DOP1A: variants seen among roughly 807,000 people sequenced by gnomAD.
The protein encoded by DOP1A is protein DOP1A.
Under a neutral mutation model 267.6 loss-of-function variants are expected in DOP1A, and 90 were observed. The ratio of observed to expected loss-of-function variants is 0.34; its 90% CI spans 0.28 to 0.40. DOP1A has a LOEUF of 0.40. Ranked by LOEUF, DOP1A falls within the 10% of genes least tolerant of loss-of-function variation. The pLI, the probability that DOP1A is intolerant of heterozygous loss-of-function variation, is 1.00. For missense variants in DOP1A, 2,437 were observed against 2,900.4 expected, an observed-to-expected ratio of 0.84 and a Z score of 3.67; for synonymous variants, 932 against 999.1, an observed-to-expected ratio of 0.93 and a Z score of 1.27.
chr6:83,136,968 G>T (rs895362664), intron 20 of DOP1A, among the ~76,000 whole-genome samples: 2 of 152,196 alleles, frequency 1.3e-5, no homozygotes, highest in Non-Finnish European at 2.9e-5. Flanking sequence ...TCTTTAGAGA[G>T]CTTAGAAACA....
At chr6:83,123,484 C>T (rs563748291) in intron 12 of DOP1A, among the ~76,000 whole-genome samples, 1 of 152,036 alleles carries the variant, frequency 6.6e-6, no homozygotes, top group Admixed American at 6.6e-5. Context: ...TGAGTGGAAT[C>T]TCTGTCTGGC....
At chr6:83,074,291 A>G (rs1786099224) in intron 1 of DOP1A, among the ~76,000 whole-genome samples, 1 of 148,498 alleles carries the variant, frequency 6.7e-6, no homozygotes, top group African/African-American at 2.6e-5. Flanking sequence ...TACAGATTTT[A>G]TTTATTTATT....
At chr6:83,087,919 T>C (rs940403481) in intron 1 of DOP1A, among the ~76,000 whole-genome samples, 1 of 152,152 alleles carries the variant, frequency 6.6e-6, no homozygotes, top group African/African-American at 2.4e-5. Flanking sequence ...TTGCCCGGGC[T>C]GGAGTGCAGT....
intron 24 of DOP1A, among the ~76,000 whole-genome samples, chr6:83,143,688 TATC>T (rs1312624246): frequency 5.3e-5 from 8 of 151,942 alleles, no homozygotes; most frequent in African/African-American, 1.9e-4. Context: ...AGTGGATAAA[TATC>T]AGAAATGGAA....
At chr6:83,097,309 T>C (rs1431270121) in intron 3 of DOP1A, among the ~76,000 whole-genome samples, 194 bp downstream of exon 3, 1 of 152,188 alleles carries the variant, frequency 6.6e-6, no homozygotes, top group Non-Finnish European at 1.5e-5. Flanking sequence ...GAAGTTTTAA[T>C]TCAAAGAAAT....
intron 29 of DOP1A, 94 bp from the exon 30 acceptor site, chr6:83,152,194 T>C (rs1313550542): frequency 1.1e-5 from 8 of 735,384 alleles, no homozygotes; most frequent in African/African-American, 7.8e-5. Flanking sequence ...CATATATATA[T>C]ACATATATAA....
At chr6:83,113,533 T>A in intron 7 of DOP1A, 112 bp downstream of exon 7, 3 of 790,186 alleles carry the variant, frequency 3.8e-6, no homozygotes, top group Non-Finnish European at 6.1e-6. Flanking sequence ...TATAAATCAG[T>A]AAGCGCATGG....
At position 83,167,890 on chromosome 6, in the gene DOP1A, G is replaced by C. The variant is rs748186099; in HGVS notation, c.7121G>C (p.Arg2374Thr). ...KKNPEEDNSG[R>T]TLGWEPGHLL... Reference sequence around the variant, plus strand: ...AATCCAGAGGAAGACAACTCAGGGAGAACATTGGGTTGGGAGCCAGGGCAC... The same window carrying C: ...AATCCAGAGGAAGACAACTCAGGGACAACATTGGGTTGGGAGCCAGGGCAC... Residue 2374 changes from arginine (R) to threonine (T), a missense_variant, in exon 39 of 39, where the codon AGA (arginine) becomes ACA (threonine). This residue lies in a region of DOP1A where 197 missense variants were observed against 246.5 expected (regional missense o/e 0.80). Coordinates refer to ENST00000349129, the MANE Select transcript of DOP1A (RefSeq NM_015018.4). The C allele has an allele frequency of 3.1e-6, 5 of 1,612,402 alleles. No individual in the cohort carries two copies. The South Asian group carries it at 4.4e-5, about 14-fold the overall frequency.
At chr6:83,122,463 A>G (rs1340136583) in intron 11 of DOP1A, among the ~76,000 whole-genome samples, 1 of 151,974 alleles carries the variant, frequency 6.6e-6, no homozygotes, top group Non-Finnish European at 1.5e-5. Context: ...TGAATAGCAC[A>G]GGGAAGCAGA....
At chr6:83,109,129 A>G (rs1774131398) in intron 5 of DOP1A, 49 bp downstream of exon 5, 2 of 1,568,578 alleles carry the variant, frequency 1.3e-6, no homozygotes, top group South Asian at 2.3e-5. Flanking sequence ...TGGATTTGTC[A>G]GCAAGCATAT....
chr6:83,084,048 C>T lies in DOP1A; in HGVS notation c.-146-12683C>T, dbSNP rs577319595. Among the ~76,000 whole-genome samples the T allele has an allele frequency of 1.8e-4, 27 of 152,276 alleles. 1 individual carries two copies. In the South Asian group the frequency reaches 5.4e-3, roughly 30 times the overall value. ...TAAATCAGCTTCACTGTCACCTTGGCAGATCTATGGGCTTTTAAACCTCTT... is the reference window on the plus strand; with the variant it reads ...TAAATCAGCTTCACTGTCACCTTGGTAGATCTATGGGCTTTTAAACCTCTT... On this transcript the variant is annotated intron_variant, in intron 1 of 38. Coordinates refer to ENST00000349129, the MANE Select transcript of DOP1A (RefSeq NM_015018.4).
intron 27 of DOP1A, among the ~76,000 whole-genome samples, chr6:83,149,903 G>A (rs1049699579): frequency 1.3e-5 from 2 of 152,166 alleles, no homozygotes; most frequent in Non-Finnish European, 2.9e-5. Context: ...TAAGGAAGGT[G>A]AGGAATAATA....
chr6:83,158,000 T>C (rs1343116902), intron 35 of DOP1A, among the ~76,000 whole-genome samples: 2 of 148,344 alleles, frequency 1.3e-5, no homozygotes, highest in South Asian at 2.1e-4. Flanking sequence ...TTATTTTTCC[T>C]TTTTTTTTTG....
chr6:83,107,623 T>C (rs1227862043), intron 4 of DOP1A, among the ~76,000 whole-genome samples: 3 of 152,188 alleles, frequency 2.0e-5, no homozygotes, highest in East Asian at 1.9e-4. Flanking sequence ...ATAAGTGTTT[T>C]AGTAAGTGAA....
chr6:83,149,011 C>T, intron 27 of DOP1A, 148 bp downstream of exon 27: 1 of 473,320 alleles, frequency 2.1e-6, no homozygotes, highest in South Asian at 5.1e-5. Flanking sequence ...TGTATAAGGC[C>T]TGTTTAAGAA....
At position 83,148,786 on chromosome 6, in the gene DOP1A, C is replaced by T. The variant is rs138733800; in HGVS notation, c.5760C>T (p.Ser1920=). The change falls in exon 27 of 39, where the codon AGC becomes AGT. Residue 1920 remains serine (S), a synonymous_variant. Coordinates refer to ENST00000349129, the MANE Select transcript of DOP1A (RefSeq NM_015018.4). The part of the protein sequence containing the change: ...QRIPVPNLVD[S]WASLLILLKD... ...TTCCAGTGCCCAATTTAGTGGATAGCTGGGCGTCACTGTTGATACTTCTGA... is the reference window on the plus strand; with the variant it reads ...TTCCAGTGCCCAATTTAGTGGATAGTTGGGCGTCACTGTTGATACTTCTGA... 219 of 1,557,954 alleles carry T rather than the reference C, an allele frequency of 1.4e-4. No individual in the cohort carries two copies. The African/African-American group carries it at 2.4e-3, about 17-fold the overall frequency.
chr6:83,095,802 A>G (rs574365142), intron 1 of DOP1A, among the ~76,000 whole-genome samples: 1 of 152,258 alleles, frequency 6.6e-6, no homozygotes, highest in Admixed American at 6.5e-5. Context: ...TTGGCTGAGG[A>G]TGGAGGATCT....
At chr6:83,158,113 C>T (rs1161778242) in intron 35 of DOP1A, among the ~76,000 whole-genome samples, 1 of 152,058 alleles carries the variant, frequency 6.6e-6, no homozygotes, top group Non-Finnish European at 1.5e-5. Context: ...ATTCTCCTGC[C>T]TCAGCCTCCC....
chr6:83,129,429 C>T lies in DOP1A; in HGVS notation c.2262C>T (p.Phe754=). The change falls in exon 16 of 39, where the codon TTC becomes TTT. Residue 754 remains phenylalanine (F), a synonymous_variant. Transcript: ENST00000349129. Reference sequence around the variant, plus strand: ...CCTTCCTTGCTGCCTGTCAGCTCTTCCTAGAGTGCTCAAGTTTCCCAGTTT... The same window carrying T: ...CCTTCCTTGCTGCCTGTCAGCTCTTTCTAGAGTGCTCAAGTTTCCCAGTTT... ...LSAFLAACQL[F]LECSSFPVYI... is the part of the protein sequence containing the mutation. The T allele has an allele frequency of 6.3e-7, 1 of 1,599,852 alleles. No homozygotes were observed. The highest frequency in any genetic ancestry group is 8.5e-7 in the Non-Finnish European group (1 of 1,175,854).
Sources: allele counts gnomAD v4.1 joint callset (sites outside exome capture counted in the v4.1 genomes callset), GRCh38; gene constraint gnomAD v4.1.1; regional missense constraint gnomAD v4.1.1; transcripts MANE v1.5; gene names NCBI Gene and HGNC (gene_info 2026-07-23, HGNC 2026-07-21).